The following PPP3R1 variants were observed in gnomAD, a reference collection of about 807,000 sequenced individuals.
The protein encoded by PPP3R1 is calcineurin subunit B type 1.
In PPP3R1, 5 loss-of-function variants were observed where a neutral mutation model predicts 22.6. That is an observed-to-expected ratio of 0.22 (90% CI 0.12 to 0.46). The LOEUF (loss-of-function observed/expected upper bound fraction) is 0.46. Among genes scored for constraint, PPP3R1 ranks in the 20% least tolerant of loss-of-function variants. PPP3R1 has a pLI of 0.99. For missense variants in PPP3R1, 61 were observed against 203.2 expected (o/e 0.30, Z 4.25); for synonymous variants, 56 against 65.2 (o/e 0.86, Z 0.68).
chr2:68,195,115 TG>T (rs1257781969), intron 2 of PPP3R1, among the ~76,000 whole-genome samples: 1 of 152,202 alleles, frequency 6.6e-6, no homozygotes, highest in African/African-American at 2.4e-5. Context: ...ACTATAATTC[TG>T]TGAGATGTTA....
At position 68,209,358 on chromosome 2, in the gene PPP3R1, C is replaced by CAAA. The variant is rs777851469; in HGVS notation, c.43+7731_43+7733dup. On this transcript the variant is annotated intron_variant, in intron 2 of 5. Transcript: ENST00000234310. ...TGGGCGACAGAGCGAGACTCTGTCT[C>CAAA]AAAAAAAAAAAAAAAAAAAAAAAAA... 2.6e-3 allele frequency among the ~76,000 whole-genome samples: 110 copies of CAAA among 41,684 alleles called. 5 individuals are homozygous for CAAA. Among genetic ancestry groups the CAAA allele is most frequent in the Non-Finnish European group, 3.7e-3 (85 of 23,240 alleles). The allele number at this position is 41,684 out of a possible 152,430, so 27.3% of individuals were successfully genotyped here.
intron 2 of PPP3R1, among the ~76,000 whole-genome samples, chr2:68,211,059 A>G (rs182574461): frequency 1.3e-3 from 202 of 152,318 alleles, no homozygotes; most frequent in Non-Finnish European, 2.1e-3. Context: ...TGTTGTCTAC[A>G]AAGTGTGCAA....
chr2:68,232,383 G>C (rs1018951028), intron 1 of PPP3R1, among the ~76,000 whole-genome samples: 3 of 148,400 alleles, frequency 2.0e-5, no homozygotes, highest in Non-Finnish European at 3.0e-5. Flanking sequence ...GGAGGTTGCA[G>C]TGAGCCAAGA....
chr2:68,179,013 A>AAG lies in PPP3R1; in HGVS notation c.*1949_*1950insCT, dbSNP rs1674348298. The AAG allele has an allele frequency of 2.8e-5, 4 of 143,620 alleles. No homozygotes were observed. The highest frequency in any genetic ancestry group is 5.9e-5 in the Non-Finnish European group (4 of 67,452). The allele number at this position is 143,620 out of a possible 1,614,324, so 8.9% of individuals were successfully genotyped here. ...CACAAACTAAAAAAAAAAAAAAAAA[A>AAG]AAAGAAAAAGAAAAAACCCTCATTC... is the stretch of plus-strand genomic sequence containing the variant. On this transcript the variant is annotated 3_prime_UTR_variant, in exon 6 of 6. Transcript: ENST00000234310.
intron 4 of PPP3R1, among the ~76,000 whole-genome samples, chr2:68,186,991 A>C (rs1357122627): frequency 6.6e-6 from 1 of 152,230 alleles, no homozygotes; most frequent in Non-Finnish European, 1.5e-5. Context: ...TCTCTTCTCT[A>C]AATTACATAT....
chr2:68,230,256 G>A (rs1558640693), intron 1 of PPP3R1, among the ~76,000 whole-genome samples: 1 of 152,152 alleles, frequency 6.6e-6, no homozygotes. Context: ...ACCTTCCAAA[G>A]TGCTGGGATT....
intron 1 of PPP3R1, among the ~76,000 whole-genome samples, chr2:68,250,303 A>C (rs917486437): frequency 3.3e-5 from 5 of 152,212 alleles, no homozygotes; most frequent in Non-Finnish European, 7.3e-5. Context: ...CAGGAAAATA[A>C]GAAATTGAAG....
At chr2:68,241,792 C>T (rs1031399617) in intron 1 of PPP3R1, among the ~76,000 whole-genome samples, 4 of 149,608 alleles carry the variant, frequency 2.7e-5, no homozygotes, top group African/African-American at 5.0e-5. Flanking sequence ...TGCAGTGAAC[C>T]GAGATTGCAC....
intron 4 of PPP3R1, 24 bp downstream of exon 4, chr2:68,187,231 A>G (rs775417693): frequency 3.2e-6 from 5 of 1,557,282 alleles, no homozygotes; most frequent in Non-Finnish European, 4.4e-6. Context: ...TAAGAGAATG[A>G]AGTCAGTGAA....
At chr2:68,190,661 T>TTC (rs1472626201) in intron 2 of PPP3R1, among the ~76,000 whole-genome samples, 4 of 152,164 alleles carry the variant, frequency 2.6e-5, no homozygotes, top group Non-Finnish European at 5.9e-5. Flanking sequence ...GTTTAGGGGC[T>TTC]TTAAGAACCT....
intron 1 of PPP3R1, among the ~76,000 whole-genome samples, chr2:68,233,523 T>G (rs1333806749): frequency 1.3e-5 from 2 of 152,172 alleles, no homozygotes; most frequent in African/African-American, 4.8e-5. Context: ...TGTCCCAAAA[T>G]GTAAAAATAA....
At chr2:68,250,496 T>G (rs1378087392) in intron 1 of PPP3R1, among the ~76,000 whole-genome samples, 1 of 152,210 alleles carries the variant, frequency 6.6e-6, no homozygotes, top group Non-Finnish European at 1.5e-5. Flanking sequence ...TTCCCTGCAA[T>G]GAACAAAGAT....
chr2:68,223,445 C>G lies in PPP3R1; in HGVS notation c.4-6314G>C, dbSNP rs181844097. 1.3e-3 allele frequency among the ~76,000 whole-genome samples: 204 copies of G among 152,134 alleles called. 1 individual carries two copies. Among genetic ancestry groups the G allele is most frequent in the African/African-American group, 4.7e-3 (194 of 41,522 alleles). Reference sequence around the variant, plus strand: ...AACTATATCTAATGTTTCTCTATGACCAATAATGTAAAAATCCTTAAAAAT... The same window carrying G: ...AACTATATCTAATGTTTCTCTATGAGCAATAATGTAAAAATCCTTAAAAAT... On this transcript the variant is annotated intron_variant, in intron 1 of 5. Coordinates refer to ENST00000234310, the MANE Select transcript of PPP3R1 (RefSeq NM_000945.4).
intron 1 of PPP3R1, among the ~76,000 whole-genome samples, chr2:68,244,939 C>G (rs1193003801): frequency 1.3e-5 from 2 of 152,220 alleles, no homozygotes; most frequent in African/African-American, 4.8e-5. Context: ...CTTTCCCCTG[C>G]AATCTTATGT....
In PPP3R1 at chr2:68,179,940, G is replaced by C. The variant is rs1558624936; in HGVS notation, c.*1023C>G. 1 of 152,120 alleles carries C rather than the reference G, an allele frequency of 6.6e-6. No homozygotes were observed. Among genetic ancestry groups the C allele is most frequent in the Admixed American group, 6.5e-5 (1 of 15,270 alleles). 9.4% of individuals were successfully genotyped at this position (152,120 alleles called of 1,614,324 possible). ...TTTTTAGATTAGCTGCAAGTCTTTTGAAACAAGGGAATTCATGATTCAAAC... is the reference window on the plus strand; with the variant it reads ...TTTTTAGATTAGCTGCAAGTCTTTTCAAACAAGGGAATTCATGATTCAAAC... On this transcript the variant is annotated 3_prime_UTR_variant, in exon 6 of 6. Transcript: ENST00000234310.
intron 2 of PPP3R1, among the ~76,000 whole-genome samples, chr2:68,189,247 C>T (rs193273012): frequency 5.0e-4 from 76 of 150,698 alleles, no homozygotes; most frequent in African/African-American, 1.7e-3. Context: ...CTGAAAGCAA[C>T]GTTGCCAGTT....
In PPP3R1 at chr2:68,232,124, T is replaced by TATACACACAC. The variant is rs1553408863; in HGVS notation, c.4-14994_4-14993insGTGTGTGTAT. ...AAAAAAAAAAATATATATATATATA[T>TATACACACAC]ACACACACACACACATATATATGTA... On this transcript the variant is annotated intron_variant, in intron 1 of 5. Coordinates refer to ENST00000234310, the MANE Select transcript of PPP3R1 (RefSeq NM_000945.4). 1.8e-3 allele frequency among the ~76,000 whole-genome samples: 173 copies of TATACACACAC among 97,996 alleles called. 10 individuals carry two copies. The highest frequency in any genetic ancestry group is 0.014 in the Middle Eastern group (2 of 146). 64.3% of individuals were successfully genotyped at this position (97,996 alleles called of 152,430 possible).
chr2:68,217,143 G>A lies in PPP3R1; in HGVS notation c.4-12C>T, dbSNP rs981511049. 6.4e-7 allele frequency: 1 copy of A among 1,573,660 alleles called. No homozygotes were observed. The highest frequency in any genetic ancestry group is 1.2e-5 in the South Asian group (1 of 86,530). ...CTTGCCTCATTTCCCTGGGGGGAAAGAAAGAAATAATTAGTCATAAAATAG... is the reference window on the plus strand; with the variant it reads ...CTTGCCTCATTTCCCTGGGGGGAAAAAAAGAAATAATTAGTCATAAAATAG... On this transcript the variant is annotated splice_polypyrimidine_tract_variant and intron_variant, in intron 1 of 5. Transcript: ENST00000234310.
chr2:68,229,926 A>ATG (rs548038517), intron 1 of PPP3R1, among the ~76,000 whole-genome samples: 2,248 of 149,100 alleles, frequency 0.015, 69 homozygotes, highest in African/African-American at 0.052. Context: ...GTGTATATAT[A>ATG]TGTGTGTGTA....
Sources: gnomAD v4.1 joint callset for allele counts (sites outside exome capture counted in the v4.1 genomes callset) on GRCh38, gnomAD v4.1.1 for gene constraint, MANE v1.5 for transcripts, NCBI Gene and HGNC (gene_info 2026-07-23, HGNC 2026-07-21) for gene names.